The following ARAP1 variants were observed in gnomAD, a reference collection of about 807,000 sequenced individuals.
ARAP1 encodes arf-GAP with Rho-GAP domain, ANK repeat and PH domain-containing protein 1.
Under a neutral mutation model 172.2 loss-of-function variants are expected in ARAP1, and 76 were observed. The observed-to-expected ratio is 0.44, with a 90% CI of 0.37 to 0.53. The LOEUF is 0.53. Among genes scored for constraint, ARAP1 ranks in the 20% least tolerant of loss-of-function variants. The pLI is 0.00. For synonymous variants in ARAP1, 804 were observed against 803.3 expected (o/e 1.00, Z -0.01); for missense variants, 1,686 against 1,977.5 (o/e 0.85, Z 2.80).
At chr11:72,686,614 G>A (rs1228584714) in intron 33 of ARAP1, among the ~76,000 whole-genome samples, 2 of 152,062 alleles carry the variant, frequency 1.3e-5, no homozygotes, top group Non-Finnish European at 2.9e-5. Flanking sequence ...AAACACATAT[G>A]AGCTCTCACT....
At position 72,720,372 on chromosome 11, in the gene ARAP1, CTGGTT is replaced by C. The variant is rs768141180; in HGVS notation, c.510-6056_510-6052del. On this transcript the variant is annotated intron_variant, in intron 3 of 34. Transcript: ENST00000393609. ...AAAGGTCATCCCCTCCAGCACTCTC[CTGGTT>C]CTGCTCTGTTCACTTCTGCCTAGCC... 3.0e-4 allele frequency among the ~76,000 whole-genome samples: 46 copies of C among 152,310 alleles called. No homozygotes were observed. The East Asian group carries it at 5.6e-3, about 19-fold the overall frequency.
chr11:72,732,038 A>C (rs551935191), intron 2 of ARAP1, among the ~76,000 whole-genome samples: 1 of 152,312 alleles, frequency 6.6e-6, no homozygotes, highest in African/African-American at 2.4e-5. Flanking sequence ...AAACACAGAA[A>C]ACTGGACGGA....
chr11:72,696,447 C>T, intron 23 of ARAP1, 102 bp downstream of exon 23: 1 of 934,984 alleles, frequency 1.1e-6, no homozygotes, highest in South Asian at 2.0e-5. Flanking sequence ...GCACTTGGTG[C>T]AAAAGCCCAG....
At chr11:72,687,294 G>T in intron 33 of ARAP1, 145 bp downstream of exon 33, 1 of 1,061,034 alleles carries the variant, frequency 9.4e-7, no homozygotes, top group Non-Finnish European at 1.4e-6. Flanking sequence ...AGGGTTTATT[G>T]AATAAACTAG....
Position 72,701,653 on chromosome 11 carries a change from C to T in ARAP1, c.2298G>A (p.Arg766=). The T allele has an allele frequency of 6.2e-7, 1 of 1,612,826 alleles. No individual in the cohort carries two copies. Among genetic ancestry groups the T allele is most frequent in the Non-Finnish European group, 8.5e-7 (1 of 1,179,466 alleles). Residue 766 remains arginine, a synonymous_variant, in exon 16 of 35, where the codon CGG becomes CGA. Coordinates refer to ENST00000393609, the MANE Select transcript of ARAP1 (RefSeq NM_001040118.3). ...AGKLLQDRRA[R]EEFSRRWCVL... ...AGAGTCTGGGGTGGCACCCACCTTCCCGGGCCCGGCGGTCCTGTAGCAGCT... is the reference window on the plus strand; with the variant it reads ...AGAGTCTGGGGTGGCACCCACCTTCTCGGGCCCGGCGGTCCTGTAGCAGCT...
At chr11:72,715,484 C>A (rs773621669) in intron 3 of ARAP1, among the ~76,000 whole-genome samples, 1 of 152,030 alleles carries the variant, frequency 6.6e-6, no homozygotes, top group Non-Finnish European at 1.5e-5. Context: ...GGTCATGATG[C>A]CAGGCCTTTC....
chr11:72,704,233 C>A lies in ARAP1; in HGVS notation c.1911G>T (p.Arg637=). The change falls in exon 14 of 35, where the codon CGG becomes CGT. Residue 637 remains arginine, a synonymous_variant. Coordinates refer to ENST00000393609, the MANE Select transcript of ARAP1 (RefSeq NM_001040118.3). Reference sequence around the variant, plus strand: ...CACGGTACTTGGCCTCCAGGTGGCACCGCCGGGTGCTGGGGCTGCTGCTGG... The same window carrying A: ...CACGGTACTTGGCCTCCAGGTGGCAACGCCGGGTGCTGGGGCTGCTGCTGG... ...LQPSSSPSTR[R]CHLEAKYREG... The A allele has an allele frequency of 6.2e-7, 1 of 1,613,760 alleles. No homozygotes were observed. Among genetic ancestry groups the A allele is most frequent in the African/African-American group, 1.3e-5 (1 of 75,052 alleles).
intron 5 of ARAP1, 147 bp downstream of exon 5, chr11:72,713,029 C>T: frequency 1.2e-6 from 1 of 849,154 alleles, no homozygotes; most frequent in East Asian, 2.6e-5. Context: ...CTCCTGACCC[C>T]CGTATGGCAA....
chr11:72,744,998 C>G (rs569383070), intron 1 of ARAP1, among the ~76,000 whole-genome samples: 27 of 152,284 alleles, frequency 1.8e-4, no homozygotes, highest in Middle Eastern at 3.4e-3. Flanking sequence ...GCTCTGGTGC[C>G]CCTTCACCAA....
chr11:72,689,470 T>G (rs1353754141), intron 30 of ARAP1: 1 of 152,324 alleles, frequency 6.6e-6, no homozygotes, highest in Non-Finnish European at 1.5e-5. Flanking sequence ...GGTCAAAGAC[T>G]GAGCCACCTC....
Position 72,693,644 on chromosome 11 carries a change from G to T in ARAP1, c.3808+48C>A. 1 of 1,553,842 alleles carries T rather than the reference G, an allele frequency of 6.4e-7. No homozygotes were observed. On this transcript the variant is annotated intron_variant, in intron 28 of 34. Transcript: ENST00000393609. The surrounding 1 kb of genome is among the most constrained non-coding windows in gnomAD (Gnocchi z 4.6). ...CACCACCAGGTCCCACCCTGGCTCTGGAAGAGAGGACCACCCGGAGCCTGG... is the reference window on the plus strand; with the variant it reads ...CACCACCAGGTCCCACCCTGGCTCTTGAAGAGAGGACCACCCGGAGCCTGG...
intron 3 of ARAP1, among the ~76,000 whole-genome samples, chr11:72,717,770 G>C (rs1289496434): frequency 6.6e-6 from 1 of 152,222 alleles, no homozygotes; most frequent in Non-Finnish European, 1.5e-5. Context: ...GCTCTGTAAG[G>C]CTTGTCATGA....
chr11:72,729,756 A>G (rs1857802137), intron 2 of ARAP1, among the ~76,000 whole-genome samples: 1 of 109,206 alleles, frequency 9.2e-6, no homozygotes, highest in Admixed American at 8.7e-5. Flanking sequence ...TGTCTCTACT[A>G]AAAAAAAAAC....
At chr11:72,733,672 A>G (rs1483477924) in intron 1 of ARAP1, among the ~76,000 whole-genome samples, 1 of 152,202 alleles carries the variant, frequency 6.6e-6, no homozygotes, top group Non-Finnish European at 1.5e-5. Context: ...GTTAACTTCA[A>G]AACTGCTGTG....
intron 18 of ARAP1, among the ~76,000 whole-genome samples, chr11:72,698,451 G>A (rs934330858): frequency 1.3e-5 from 2 of 152,208 alleles, no homozygotes; most frequent in Non-Finnish European, 2.9e-5. Context: ...ACCCACATGG[G>A]TGCTACTGAA....
chr11:72,718,828 C>T (rs1226992167), intron 3 of ARAP1, among the ~76,000 whole-genome samples: 1 of 152,176 alleles, frequency 6.6e-6, no homozygotes, highest in Non-Finnish European at 1.5e-5. Context: ...GAGGGTGCAG[C>T]TTGTGCAGAA....
In ARAP1 at chr11:72,693,893, C is replaced by T; in HGVS notation, c.3695-88G>A. 1 of 1,049,464 alleles carries T rather than the reference C, an allele frequency of 9.5e-7. No individual in the cohort carries two copies. Among genetic ancestry groups the T allele is most frequent in the South Asian group, 1.6e-5 (1 of 64,452 alleles). 65.0% of individuals were successfully genotyped at this position (1,049,464 alleles called of 1,614,324 possible). A position where few individuals can be genotyped will look rare whatever the true frequency, so the allele number is the denominator to read the frequency against. On this transcript the variant is annotated intron_variant, in intron 27 of 34. Coordinates refer to ENST00000393609, the MANE Select transcript of ARAP1 (RefSeq NM_001040118.3). The surrounding 1 kb of genome is among the most constrained non-coding windows in gnomAD (Gnocchi z 4.6). Reference sequence around the variant, plus strand: ...AGATGGGCACATATCACCTACACATCCCCTGTCCACTCCAACCATATGCAA... The same window carrying T: ...AGATGGGCACATATCACCTACACATTCCCTGTCCACTCCAACCATATGCAA...
In ARAP1 at chr11:72,712,153, C is replaced by G. The variant is rs749709256; in HGVS notation, c.1022+43G>C. On this transcript the variant is annotated intron_variant, in intron 7 of 34. Transcript: ENST00000393609. ...TGGGGTCCTGGACACTGCCCCCCAC[C>G]CCCCCATGCAGAGCACAGCAGGACC... The G allele has an allele frequency of 5.9e-6, 9 of 1,513,134 alleles. No homozygotes were observed. In the African/African-American group the frequency reaches 7.0e-5, roughly 12 times the overall value. The allele number at this position is 1,513,134 out of a possible 1,614,324, so 93.7% of individuals were successfully genotyped here.
intron 14 of ARAP1, chr11:72,703,312 G>C (rs930558246): frequency 4.7e-6 from 2 of 424,616 alleles, no homozygotes; most frequent in Non-Finnish European, 8.3e-6. Context: ...GATCCCAGCT[G>C]CCCGGGGCCT....
Sources: gnomAD v4.1 joint callset for allele counts (sites outside exome capture counted in the v4.1 genomes callset) on GRCh38, gnomAD v4.1.1 for gene constraint, Gnocchi (gnomAD v3.1) non-coding constraint, MANE v1.5 for transcripts, NCBI Gene and HGNC (gene_info 2026-07-23, HGNC 2026-07-21) for gene names.